CDH2: variants seen among roughly 807,000 people sequenced by gnomAD.
The protein encoded by CDH2 is cadherin 2, also known as cadherin-2.
A neutral mutation model predicts 92.0 loss-of-function variants in CDH2; 17 were observed. The observed-to-expected ratio is 0.18, with a 90% CI of 0.13 to 0.28. The LOEUF is 0.28. Ranked by LOEUF, CDH2 falls within the 10% of genes least tolerant of loss-of-function variation. CDH2 has a pLI of 1.00. For synonymous variants in CDH2, 419 were observed against 415.9 expected, an observed-to-expected ratio of 1.01 and a Z score of -0.09; for missense variants, 862 against 1,133.1, an observed-to-expected ratio of 0.76 and a Z score of 3.44.
chr18:28,147,862 A>G, intron 1 of CDH2, 78 bp from the exon 2 acceptor site: 1 of 807,314 alleles, frequency 1.2e-6, no homozygotes, highest in East Asian at 2.5e-5. Flanking sequence ...CACTTGGCAT[A>G]AAGCCTCATT....
chr18:28,009,799 GT>G lies in CDH2; in HGVS notation c.619del (p.Thr207LeufsTer15). On this transcript the variant is annotated frameshift_variant, in exon 5 of 16. Transcript: ENST00000269141. LOFTEE classifies it high-confidence loss of function. ...GATGGGGTTGATAATGAAGATACCA[GT>G]TGGAGGCTGGTCAGCTCCTGGCCCA... ...VTGPGADQPP[T>X]GIFIINPISG... 6.2e-7 allele frequency: 1 copy of G among 1,614,030 alleles called. No individual in the cohort carries two copies. Among genetic ancestry groups the G allele is most frequent in the Non-Finnish European group, 8.5e-7 (1 of 1,179,984 alleles).
chr18:27,979,470 C>T (rs1717120499), intron 14 of CDH2, among the ~76,000 whole-genome samples: 1 of 152,204 alleles, frequency 6.6e-6, no homozygotes, highest in Non-Finnish European at 1.5e-5. Context: ...GTGGCTCAGA[C>T]ATTCAACTCC....
intron 1 of CDH2, among the ~76,000 whole-genome samples, chr18:28,163,215 T>C (rs570968462): frequency 1.3e-5 from 2 of 152,362 alleles, no homozygotes; most frequent in Non-Finnish European, 2.9e-5. Context: ...TTTTTAAATG[T>C]TGAGGTTTGA....
chr18:27,992,769 T>C lies in CDH2; in HGVS notation c.1230A>G (p.Gln410=), dbSNP rs1599017158. 1.2e-6 allele frequency: 2 copies of C among 1,613,776 alleles called. No homozygotes were observed. The highest frequency in any genetic ancestry group is 1.7e-6 in the Non-Finnish European group (2 of 1,179,928). Residue 410 remains glutamine (Q), a synonymous_variant, in exon 9 of 16, where the codon CAA becomes CAG. Transcript: ENST00000269141. The part of the protein sequence containing the change: ...VANLTVTDKD[Q]PHTPAWNAVY... ...CTGCGTTCCAGGCTGGTGTATGGGG[T>C]TGATCCTTATCGGTCACAGTTAGAT... is the stretch of plus-strand genomic sequence containing the variant.
chr18:28,141,873 C>T (rs1285535107), intron 2 of CDH2, among the ~76,000 whole-genome samples: 1 of 151,690 alleles, frequency 6.6e-6, no homozygotes, highest in Non-Finnish European at 1.5e-5. Context: ...TAATGCTTCT[C>T]CCCTTAATAT....
At chr18:28,137,855 C>T (rs909355500) in intron 2 of CDH2, among the ~76,000 whole-genome samples, 1 of 151,804 alleles carries the variant, frequency 6.6e-6, no homozygotes, top group Non-Finnish European at 1.5e-5. Context: ...ATCTAAATCC[C>T]GTTACTTTCA....
intron 2 of CDH2, among the ~76,000 whole-genome samples, chr18:28,112,389 A>ATTC (rs1421727684): frequency 6.6e-6 from 1 of 152,172 alleles, no homozygotes; most frequent in Non-Finnish European, 1.5e-5. Flanking sequence ...GTGGAAAAAG[A>ATTC]TTCTGTCTGG....
At chr18:28,044,488 T>C (rs534907157) in intron 2 of CDH2, among the ~76,000 whole-genome samples, 122 of 152,290 alleles carry the variant, frequency 8.0e-4, no homozygotes, top group African/African-American at 2.7e-3. Flanking sequence ...CTAAAAACTT[T>C]CAATGCTTCC....
At chr18:28,070,663 T>C (rs2014599921) in intron 2 of CDH2, among the ~76,000 whole-genome samples, 1 of 152,208 alleles carries the variant, frequency 6.6e-6, no homozygotes, top group Non-Finnish European at 1.5e-5. Flanking sequence ...AGTTGGGCAC[T>C]GTGAAGGCAG....
downstream of CDH2, among the ~76,000 whole-genome samples, chr18:27,949,650 C>T (rs934662181): frequency 4.6e-5 from 7 of 151,774 alleles, no homozygotes; most frequent in African/African-American, 1.7e-4. Flanking sequence ...TCATTATGGA[C>T]ATGTGTGTGT....
At chr18:28,116,260 T>TA (rs1339936071) in intron 2 of CDH2, among the ~76,000 whole-genome samples, 1 of 152,142 alleles carries the variant, frequency 6.6e-6, no homozygotes, top group African/African-American at 2.4e-5. Flanking sequence ...GCCTGGCATA[T>TA]AAAAAAGGCA....
chr18:28,014,597 T>C lies in CDH2; in HGVS notation c.173-688A>G, dbSNP rs754056414. Among the ~76,000 whole-genome samples the C allele has an allele frequency of 2.2e-4, 34 of 152,122 alleles. 1 individual carries two copies. Among genetic ancestry groups the C allele is most frequent in the Admixed American group, 3.3e-4 (5 of 15,258 alleles). The stretch of plus-strand genomic sequence containing the variant: ...ACAGTACTTCCATTAAGCAGTAACA[T>C]ATTTAAAAAATTTTAAACAAATAAA... On this transcript the variant is annotated intron_variant, in intron 2 of 15. Coordinates refer to ENST00000269141, the MANE Select transcript of CDH2 (RefSeq NM_001792.5).
At chr18:28,082,873 G>C (rs552425674) in intron 2 of CDH2, among the ~76,000 whole-genome samples, 3 of 152,158 alleles carry the variant, frequency 2.0e-5, no homozygotes, top group Non-Finnish European at 2.9e-5. Flanking sequence ...CTGGTGGAAG[G>C]CTGGATTGTA....
intron 7 of CDH2, among the ~76,000 whole-genome samples, chr18:28,002,756 T>C (rs1412812520): frequency 2.0e-5 from 3 of 152,180 alleles, no homozygotes; most frequent in Admixed American, 6.5e-5. Flanking sequence ...CCAGAGAATA[T>C]TGCTTAGTCA....
intron 2 of CDH2, among the ~76,000 whole-genome samples, chr18:28,103,141 T>C (rs1327172077): frequency 2.2e-5 from 3 of 139,066 alleles, no homozygotes; most frequent in African/African-American, 8.0e-5. Flanking sequence ...ATAAACTCCT[T>C]ATATATATAT....
intron 2 of CDH2, chr18:28,045,475 A>C: frequency 4.3e-6 from 2 of 463,482 alleles, no homozygotes; most frequent in Non-Finnish European, 8.9e-6. Context: ...TTCTCTCATC[A>C]TGGTCTTGTA....
intron 6 of CDH2, among the ~76,000 whole-genome samples, chr18:27,939,433 C>T (rs543636334): frequency 8.4e-4 from 128 of 152,308 alleles, no homozygotes; most frequent in African/African-American, 2.8e-3. Flanking sequence ...AAACCTCCTA[C>T]GTGACCTTTA....
At chr18:28,060,342 T>C (rs991307554) in intron 2 of CDH2, among the ~76,000 whole-genome samples, 1 of 152,172 alleles carries the variant, frequency 6.6e-6, no homozygotes. Flanking sequence ...CGTGCTACCA[T>C]ACCCAGCTAA....
intron 2 of CDH2, among the ~76,000 whole-genome samples, chr18:28,061,194 T>A (rs1049728861): frequency 5.9e-5 from 9 of 152,218 alleles, no homozygotes; most frequent in African/African-American, 1.9e-4. Context: ...TATATTGTAC[T>A]TTTACTAGTT....
Sources: allele counts gnomAD v4.1 joint callset (sites outside exome capture counted in the v4.1 genomes callset), GRCh38; gene constraint gnomAD v4.1.1; transcripts MANE v1.5; gene names NCBI Gene and HGNC (gene_info 2026-07-23, HGNC 2026-07-21).